The following FILIP1L variants were observed in gnomAD, a reference collection of about 807,000 sequenced individuals.
FILIP1L encodes the protein filamin A-interacting protein 1-like.
Under a neutral mutation model 96.6 loss-of-function variants are expected in FILIP1L, and 55 were observed. The ratio of observed to expected loss-of-function variants is 0.57; its 90% CI spans 0.46 to 0.71. The LOEUF is 0.71. FILIP1L is among the 30% of genes least tolerant of loss of function. The pLI is 0.00. For missense variants in FILIP1L, 1,304 were observed against 1,321.2 expected, an observed-to-expected ratio of 0.99 and a Z score of 0.20; for synonymous variants, 467 against 473.9, an observed-to-expected ratio of 0.99 and a Z score of 0.19.
At chr3:100,047,181 T>G (rs1004663502) in intron 1 of FILIP1L, among the ~76,000 whole-genome samples, 1 of 152,208 alleles carries the variant, frequency 6.6e-6, no homozygotes, top group African/African-American at 2.4e-5. Flanking sequence ...TTTTCAGGAT[T>G]AAATGCTTTT....
intron 4 of FILIP1L, among the ~76,000 whole-genome samples, chr3:99,897,345 G>T (rs1320040598): frequency 6.6e-6 from 1 of 151,930 alleles, no homozygotes; most frequent in East Asian, 1.9e-4. Context: ...CTCCAGCCTG[G>T]GGGACAAGAG....
chr3:99,892,847 T>C (rs2107616424), intron 4 of FILIP1L, among the ~76,000 whole-genome samples: 1 of 152,368 alleles, frequency 6.6e-6, no homozygotes, highest in Non-Finnish European at 1.5e-5. Context: ...ATAGGTCAAG[T>C]TCATGTCGAT....
In FILIP1L at chr3:99,889,488, C is replaced by T. The variant is rs185039298; in HGVS notation, c.605+34742G>A. ...GTTCTGGTGAGTCTCATATAAATAACGTATAGCTAGGAATTATAATTGTTA... is the reference window on the plus strand; with the variant it reads ...GTTCTGGTGAGTCTCATATAAATAATGTATAGCTAGGAATTATAATTGTTA... On this transcript the variant is annotated intron_variant, in intron 4 of 5. Transcript: ENST00000477258. Among the ~76,000 whole-genome samples, 12 of 152,046 alleles carry T rather than the reference C, an allele frequency of 7.9e-5. No homozygotes were observed. In the South Asian group the frequency reaches 1.5e-3, roughly 18 times the overall value.
At chr3:99,991,423 A>C (rs1322460164) in intron 1 of FILIP1L, among the ~76,000 whole-genome samples, 2 of 152,058 alleles carry the variant, frequency 1.3e-5, no homozygotes, top group South Asian at 4.2e-4. Context: ...TGATTTTATA[A>C]TTTTTTAATT....
At chr3:100,021,421 A>T (rs1451066539) in intron 1 of FILIP1L, among the ~76,000 whole-genome samples, 1 of 152,176 alleles carries the variant, frequency 6.6e-6, no homozygotes, top group Non-Finnish European at 1.5e-5. Flanking sequence ...GCACAGCATT[A>T]AGCAAGACAC....
At chr3:100,054,539 T>TATGTC (rs1553709715) in intron 1 of FILIP1L, among the ~76,000 whole-genome samples, 27 of 125,782 alleles carry the variant, frequency 2.1e-4, no homozygotes, top group South Asian at 1.3e-3. Context: ...TATGTTATGT[T>TATGTC]ATGTCATGTT....
At chr3:99,847,052 G>C (rs370972662) in intron 5 of FILIP1L, among the ~76,000 whole-genome samples, 20 of 152,284 alleles carry the variant, frequency 1.3e-4, no homozygotes, top group African/African-American at 4.8e-4. Flanking sequence ...ATTCGGCTGA[G>C]TTATTCTCAT....
chr3:100,031,378 C>G (rs12493320), intron 1 of FILIP1L, among the ~76,000 whole-genome samples: 7,085 of 152,036 alleles, frequency 0.047, 252 homozygotes, highest in South Asian at 0.075. Context: ...ACCCTCGTTT[C>G]CACTCATCCT....
intron 3 of FILIP1L, among the ~76,000 whole-genome samples, chr3:99,925,555 T>G (rs190449334): frequency 6.6e-6 from 1 of 151,518 alleles, no homozygotes; most frequent in African/African-American, 2.4e-5. Context: ...GTGAGCAGCA[T>G]GTGGGACACT....
At chr3:99,909,402 G>C (rs1355168676) in intron 4 of FILIP1L, among the ~76,000 whole-genome samples, 2 of 152,180 alleles carry the variant, frequency 1.3e-5, no homozygotes. Flanking sequence ...CCTTGGGTCA[G>C]GTGAGGGGGT....
At chr3:99,990,646 G>A (rs1185913248) in intron 1 of FILIP1L, among the ~76,000 whole-genome samples, 1 of 152,032 alleles carries the variant, frequency 6.6e-6, no homozygotes, top group Non-Finnish European at 1.5e-5. Flanking sequence ...TAGAGATGAT[G>A]TCCTGGCATC....
chr3:99,834,648 T>C (rs1486995677), intron 5 of FILIP1L, among the ~76,000 whole-genome samples: 7 of 152,208 alleles, frequency 4.6e-5, no homozygotes. Flanking sequence ...ACTCAGCTTT[T>C]CTTTTTTTGT....
intron 3 of FILIP1L, chr3:99,925,976 C>A: frequency 1.5e-6 from 1 of 669,546 alleles, no homozygotes; most frequent in African/African-American, 2.0e-5. Context: ...AAATTAATAT[C>A]TATTAAGAAC....
intron 1 of FILIP1L, among the ~76,000 whole-genome samples, chr3:100,015,083 A>T (rs1710301999): frequency 1.3e-5 from 2 of 151,610 alleles, no homozygotes; most frequent in African/African-American, 4.8e-5. Context: ...TGTACGAGAT[A>T]AGGGTCTAAT....
intron 1 of FILIP1L, among the ~76,000 whole-genome samples, chr3:100,065,214 G>C (rs1281882326): frequency 2.0e-5 from 3 of 152,206 alleles, no homozygotes; most frequent in African/African-American, 7.2e-5. Context: ...TGAATCTCTG[G>C]GAGTACCATC....
rs1258152211 is a variant in FILIP1L, at chr3:100,114,375, C to T, written c.-333G>A. The T allele has an allele frequency of 6.6e-6, 1 of 152,356 alleles. No individual in the cohort carries two copies. Among genetic ancestry groups the T allele is most frequent in the Non-Finnish European group, 1.5e-5 (1 of 68,212 alleles). 9.4% of individuals were successfully genotyped at this position (152,356 alleles called of 1,614,324 possible). A position where few individuals can be genotyped will look rare whatever the true frequency, so the allele number is the denominator to read the frequency against. On this transcript the variant is annotated 5_prime_UTR_variant, in exon 1 of 6. It introduces an in-frame stop codon into an upstream open reading frame of the 5' UTR. Coordinates refer to ENST00000477258, the MANE Select transcript of FILIP1L (RefSeq NM_001387850.1). ...CCAAAACTCTTACCCCACAGCTTGC[C>T]AGTCTCTGTGGAAGAAAGGTTCTAA...
At chr3:100,099,877 T>C (rs1015606413) in intron 1 of FILIP1L, among the ~76,000 whole-genome samples, 2 of 152,144 alleles carry the variant, frequency 1.3e-5, no homozygotes, top group Non-Finnish European at 2.9e-5. Flanking sequence ...GTTATGGAAC[T>C]GAGTTGCTGA....
intron 1 of FILIP1L, among the ~76,000 whole-genome samples, chr3:100,001,679 T>C (rs1385469822): frequency 6.6e-6 from 1 of 152,158 alleles, no homozygotes; most frequent in African/African-American, 2.4e-5. Flanking sequence ...TTCTCTTCTT[T>C]CCTCTCCCAA....
At chr3:100,072,596 CA>C (rs772555567) in intron 1 of FILIP1L, among the ~76,000 whole-genome samples, 16 of 152,238 alleles carry the variant, frequency 1.1e-4, no homozygotes, top group South Asian at 2.1e-4. Flanking sequence ...CCGACCATCG[CA>C]CCCCACCTCC....
Sources: allele counts gnomAD v4.1 joint callset (sites outside exome capture counted in the v4.1 genomes callset), GRCh38; gene constraint gnomAD v4.1.1; transcripts MANE v1.5; gene names NCBI Gene and HGNC (gene_info 2026-07-23, HGNC 2026-07-21).